Variants in SMIM5 observed in about 807,000 individuals in gnomAD.
SMIM5 encodes the protein small integral membrane protein 5, also known as chromosome 17 open reading frame 109.
Under a neutral mutation model 4.0 loss-of-function variants are expected in SMIM5, and 4 were observed. The observed-to-expected ratio is 1.01, with a 90% CI of 0.50 to 2.30. The LOEUF (loss-of-function observed/expected upper bound fraction) is 2.30, where lower values mean the gene tolerates loss of function less well. Ranked by LOEUF, SMIM5 falls within the 30% of genes most tolerant of loss-of-function variation. The probability of loss-of-function intolerance (pLI) is 0.02; values close to 1 mark genes in which losing one functional copy is unlikely to be tolerated. For synonymous variants in SMIM5, 46 were observed against 43.6 expected (o/e 1.05, Z -0.22); for missense variants, 107 against 99.2 (o/e 1.08, Z -0.34).
At chr17:75,635,141 G>C (rs754100536) in intron 1 of SMIM5, among the ~76,000 whole-genome samples, 1 of 152,214 alleles carries the variant, frequency 6.6e-6, no homozygotes, top group African/African-American at 2.4e-5. Flanking sequence ...CAATGACCCA[G>C]GGAAATGTGG....
Position 75,641,118 on chromosome 17 carries a change from G to A in SMIM5, c.*221G>A. On this transcript the variant is annotated 3_prime_UTR_variant, in exon 3 of 3. Transcript: ENST00000375215. ...CATCTGCCAGTGGACACTGGGTGCT[G>A]GGGAGTCAGCTGTTTCAAAGACTGG... 1.3e-6 allele frequency: 1 copy of A among 750,730 alleles called. No individual in the cohort carries two copies. The highest frequency in any genetic ancestry group is 2.0e-6 in the Non-Finnish European group (1 of 494,142). The allele number at this position is 750,730 out of a possible 1,614,324, so 46.5% of individuals were successfully genotyped here.
At chr17:75,634,698 T>C (rs1281092781) in intron 1 of SMIM5, among the ~76,000 whole-genome samples, 1 of 152,230 alleles carries the variant, frequency 6.6e-6, no homozygotes, top group Non-Finnish European at 1.5e-5. Context: ...CTTGGCCCAC[T>C]CACTGCTGGT....
chr17:75,640,650 C>T lies in SMIM5; in HGVS notation c.128-141C>T. 2 of 1,458,652 alleles carry T rather than the reference C, an allele frequency of 1.4e-6. No homozygotes were observed. Among genetic ancestry groups the T allele is most frequent in the Non-Finnish European group, 1.8e-6 (2 of 1,101,428 alleles). 90.4% of individuals were successfully genotyped at this position (1,458,652 alleles called of 1,614,324 possible). On this transcript the variant is annotated intron_variant, in intron 2 of 2. Transcript: ENST00000375215. This position sits in a 1 kb window ranked among gnomAD's most constrained non-coding sequence, Gnocchi z 4.6. Reference sequence around the variant, plus strand: ...GCTGGCATGGGGACCGTCCGCACCTCTCACCAGCCTCTCGGATCTTTCTGA... The same window carrying T: ...GCTGGCATGGGGACCGTCCGCACCTTTCACCAGCCTCTCGGATCTTTCTGA...
chr17:75,636,051 T>A lies in SMIM5; in HGVS notation c.-37+1849T>A, dbSNP rs2059315622. Among the ~76,000 whole-genome samples, 1 of 152,196 alleles carries A rather than the reference T, an allele frequency of 6.6e-6. No homozygotes were observed. Among genetic ancestry groups the A allele is most frequent in the South Asian group, 2.1e-4 (1 of 4,828 alleles). ...TGAGTGTTTCCCCTGTGCTGACCGC[T>A]ACTGCAGCCAGGGCACACCCTCTGA... On this transcript the variant is annotated intron_variant, in intron 1 of 2. Transcript: ENST00000375215. The surrounding 1 kb of genome is among the most constrained non-coding windows in gnomAD (Gnocchi z 5.4).
chr17:75,633,583 T>C lies in SMIM5; in HGVS notation c.-656T>C. 8.0e-7 allele frequency: 1 copy of C among 1,245,040 alleles called. No homozygotes were observed. The highest frequency in any genetic ancestry group is 1.0e-6 in the Non-Finnish European group (1 of 965,772). 77.1% of individuals were successfully genotyped at this position (1,245,040 alleles called of 1,614,324 possible). A position where few individuals can be genotyped will look rare whatever the true frequency, so the allele number is the denominator to read the frequency against. ...CACAAGGGCCTCCCCAGGGACTGGT[T>C]GCAAAGCCTCCTGCTCAGCTTGAGA... is the stretch of plus-strand genomic sequence containing the variant. On this transcript the variant is annotated 5_prime_UTR_variant, in exon 1 of 3. Coordinates refer to ENST00000375215, the MANE Select transcript of SMIM5 (RefSeq NM_001162995.3).
chr17:75,640,476 T>A lies in SMIM5; in HGVS notation c.127+148T>A. 1 of 1,304,872 alleles carries A rather than the reference T, an allele frequency of 7.7e-7. No individual in the cohort carries two copies. Among genetic ancestry groups the A allele is most frequent in the Non-Finnish European group, 1.0e-6 (1 of 977,630 alleles). 80.8% of individuals were successfully genotyped at this position (1,304,872 alleles called of 1,614,324 possible). A position where few individuals can be genotyped will look rare whatever the true frequency, so the allele number is the denominator to read the frequency against. On this transcript the variant is annotated intron_variant, in intron 2 of 2. Transcript: ENST00000375215. This position sits in a 1 kb window ranked among gnomAD's most constrained non-coding sequence, Gnocchi z 4.6. Reference sequence around the variant, plus strand: ...TGTCCCTTGGGGGAAGCCAAGGGACTTCCCTCATCCTCTGATATGCTGCTT... The same window carrying A: ...TGTCCCTTGGGGGAAGCCAAGGGACATCCCTCATCCTCTGATATGCTGCTT...
At position 75,640,964 on chromosome 17, in the gene SMIM5, C is replaced by T; in HGVS notation, c.*67C>T. The stretch of plus-strand genomic sequence containing the variant: ...CAATGCCATGACACAGGCCATCAGC[C>T]TGGCCCTGCAGCCCTTACCCCTCAA... On this transcript the variant is annotated 3_prime_UTR_variant, in exon 3 of 3. Coordinates refer to ENST00000375215, the MANE Select transcript of SMIM5 (RefSeq NM_001162995.3). The surrounding 1 kb of genome is among the most constrained non-coding windows in gnomAD (Gnocchi z 4.6). The T allele has an allele frequency of 2.0e-6, 3 of 1,523,354 alleles. No homozygotes were observed. The highest frequency in any genetic ancestry group is 2.6e-6 in the Non-Finnish European group (3 of 1,136,082). 94.4% of individuals were successfully genotyped at this position (1,523,354 alleles called of 1,614,324 possible). A position where few individuals can be genotyped will look rare whatever the true frequency, so the allele number is the denominator to read the frequency against.
chr17:75,634,418 C>G (rs1460943866), intron 1 of SMIM5, among the ~76,000 whole-genome samples: 1 of 152,228 alleles, frequency 6.6e-6, no homozygotes, highest in East Asian at 1.9e-4. Flanking sequence ...GGGGGCTCTG[C>G]TCAGAGCGCC....
chr17:75,640,858 G>T lies in SMIM5; in HGVS notation c.195G>T (p.Arg65=). The T allele has an allele frequency of 6.5e-7, 1 of 1,548,488 alleles. No homozygotes were observed. ...CCCTHCCCPE[R]RGRKVQVQPT... ...GCACTCACTGCTGCTGCCCTGAGCG[G>T]AGAGGCAGGAAGGTCCAGGTGCAGC... The change falls in exon 3 of 3, where the codon CGG becomes CGT. Residue 65 remains arginine, a synonymous_variant. Transcript: ENST00000375215. The surrounding 1 kb of genome is among the most constrained non-coding windows in gnomAD (Gnocchi z 4.6).
Position 75,640,756 on chromosome 17 carries a change from C to A in SMIM5, c.128-35C>A. The A allele has an allele frequency of 6.5e-7, 1 of 1,541,936 alleles. No homozygotes were observed. On this transcript the variant is annotated intron_variant, in intron 2 of 2. Coordinates refer to ENST00000375215, the MANE Select transcript of SMIM5 (RefSeq NM_001162995.3). This position sits in a 1 kb window ranked among gnomAD's most constrained non-coding sequence, Gnocchi z 4.6. ...GAGGGTGGGCATCCTTTCTCTCCCC[C>A]AACCTGAGTCCCGTGCTCTCTCCCG...
At position 75,634,119 on chromosome 17, in the gene SMIM5, C is replaced by T. The variant is rs2059273957; in HGVS notation, c.-120C>T. ...GCTGAGGCGCCCAGGGGAGCAGCGG[C>T]GCCCACGAAGGAAGTACGAGGACAG... On this transcript the variant is annotated 5_prime_UTR_variant, in exon 1 of 3. Coordinates refer to ENST00000375215, the MANE Select transcript of SMIM5 (RefSeq NM_001162995.3). The T allele has an allele frequency of 1.0e-6, 1 of 985,522 alleles. No homozygotes were observed. The highest frequency in any genetic ancestry group is 5.2e-4 in the Middle Eastern group (1 of 1,914). The allele number at this position is 985,522 out of a possible 1,614,324, so 61.0% of individuals were successfully genotyped here.
At chr17:75,638,398 T>C (rs2059368714) in intron 1 of SMIM5, 1 of 152,264 alleles carries the variant, frequency 6.6e-6, no homozygotes, top group African/African-American at 2.4e-5. Flanking sequence ...GGAGAATCAC[T>C]TGAATCTGGG....
Position 75,634,181 on chromosome 17 carries a change from C to T in SMIM5, c.-58C>T. The T allele has an allele frequency of 1.0e-6, 1 of 985,510 alleles. No individual in the cohort carries two copies. Among genetic ancestry groups the T allele is most frequent in the Non-Finnish European group, 1.2e-6 (1 of 829,988 alleles). 61.0% of individuals were successfully genotyped at this position (985,510 alleles called of 1,614,324 possible). On this transcript the variant is annotated 5_prime_UTR_variant, in exon 1 of 3. Transcript: ENST00000375215. Reference sequence around the variant, plus strand: ...TCCGCGCTGGGGCACTGCTGCTCAGCCCCCAACACCTGAGCTCCCAGGTGA... The same window carrying T: ...TCCGCGCTGGGGCACTGCTGCTCAGTCCCCAACACCTGAGCTCCCAGGTGA...
At chr17:75,634,863 A>T (rs1432980625) in intron 1 of SMIM5, among the ~76,000 whole-genome samples, 3 of 152,218 alleles carry the variant, frequency 2.0e-5, no homozygotes, top group African/African-American at 7.2e-5. Flanking sequence ...AGAAGGTCAC[A>T]GAAGTGAGGC....
rs2059402259 is a variant in SMIM5, at chr17:75,639,942, C to A, written c.-36-224C>A. 4 of 407,366 alleles carry A rather than the reference C, an allele frequency of 9.8e-6. No individual in the cohort carries two copies. In the South Asian group the frequency reaches 2.2e-4, roughly 23 times the overall value. The allele number at this position is 407,366 out of a possible 1,614,324, so 25.2% of individuals were successfully genotyped here. Reference sequence around the variant, plus strand: ...CCGCCTTGGCCGGCAGCCCCCGAAGCAAGCCCTTGGTCTCACTGTCCTCAC... The same window carrying A: ...CCGCCTTGGCCGGCAGCCCCCGAAGAAAGCCCTTGGTCTCACTGTCCTCAC... On this transcript the variant is annotated intron_variant, in intron 1 of 2. Transcript: ENST00000375215.
At chr17:75,635,733 A>G in intron 1 of SMIM5, 5 of 940,392 alleles carry the variant, frequency 5.3e-6, no homozygotes, top group Non-Finnish European at 6.3e-6. Context: ...GGCAAGGGTG[A>G]CTAAAACCCA....
chr17:75,641,111 G>A lies in SMIM5; in HGVS notation c.*214G>A. 1.3e-6 allele frequency: 1 copy of A among 794,580 alleles called. No individual in the cohort carries two copies. Among genetic ancestry groups the A allele is most frequent in the Non-Finnish European group, 1.9e-6 (1 of 534,168 alleles). 49.2% of individuals were successfully genotyped at this position (794,580 alleles called of 1,614,324 possible). A position where few individuals can be genotyped will look rare whatever the true frequency, so the allele number is the denominator to read the frequency against. On this transcript the variant is annotated 3_prime_UTR_variant, in exon 3 of 3. Coordinates refer to ENST00000375215, the MANE Select transcript of SMIM5 (RefSeq NM_001162995.3). ...AACCTCTCATCTGCCAGTGGACACT[G>A]GGTGCTGGGGAGTCAGCTGTTTCAA...
intron 1 of SMIM5, 50 bp downstream of exon 1, chr17:75,634,252 G>A: frequency 1.0e-6 from 1 of 985,534 alleles, no homozygotes. Context: ...GGAGCAGCAA[G>A]GGTCCCCTGC....
Position 75,640,043 on chromosome 17 carries a change from C to T in SMIM5, c.-36-123C>T. On this transcript the variant is annotated intron_variant, in intron 1 of 2. Transcript: ENST00000375215. This position sits in a 1 kb window ranked among gnomAD's most constrained non-coding sequence, Gnocchi z 4.6. Reference sequence around the variant, plus strand: ...CACTAGGTGGAAGTCACCAGGGGTGCAATGTGTGAGACCTGACAAACTTGT... The same window carrying T: ...CACTAGGTGGAAGTCACCAGGGGTGTAATGTGTGAGACCTGACAAACTTGT... 1 of 1,029,290 alleles carries T rather than the reference C, an allele frequency of 9.7e-7. No individual in the cohort carries two copies. The highest frequency in any genetic ancestry group is 1.4e-6 in the Non-Finnish European group (1 of 737,190). 63.8% of individuals were successfully genotyped at this position (1,029,290 alleles called of 1,614,324 possible).
Sources: gnomAD v4.1 joint callset for allele counts (sites outside exome capture counted in the v4.1 genomes callset) on GRCh38, gnomAD v4.1.1 for gene constraint, Gnocchi (gnomAD v3.1) non-coding constraint, MANE v1.5 for transcripts, NCBI Gene and HGNC (gene_info 2026-07-23, HGNC 2026-07-21) for gene names.